PLXDC2: variants seen among roughly 807,000 people sequenced by gnomAD.
The protein encoded by PLXDC2 is plexin domain-containing protein 2.
Under a neutral mutation model 68.9 loss-of-function variants are expected in PLXDC2, and 40 were observed. The observed-to-expected ratio is 0.58, with a 90% CI of 0.45 to 0.76. The LOEUF is 0.76. Among genes scored for constraint, PLXDC2 ranks in the 30% least tolerant of loss-of-function variants. PLXDC2 has a pLI of 0.00. For synonymous variants in PLXDC2, 243 were observed against 234.2 expected, an observed-to-expected ratio of 1.04 and a Z score of -0.34; for missense variants, 644 against 661.9, an observed-to-expected ratio of 0.97 and a Z score of 0.30.
At position 20,050,192 on chromosome 10, in the gene PLXDC2, C is replaced by G. The variant is rs547047989; in HGVS notation, c.471+3177C>G. 1.3e-5 allele frequency among the ~76,000 whole-genome samples: 2 copies of G among 152,172 alleles called. 1 individual carries two copies. Among genetic ancestry groups the G allele is most frequent in the South Asian group, 4.2e-4 (2 of 4,818 alleles). On this transcript the variant is annotated intron_variant, in intron 3 of 13. Coordinates refer to ENST00000377252, the MANE Select transcript of PLXDC2 (RefSeq NM_032812.9). ...ATTGAAGCTGGATCCCTTCCTTACA[C>G]CATATACAAAAAATCAATTCGAGAT...
intron 1 of PLXDC2, among the ~76,000 whole-genome samples, chr10:19,972,207 G>T (rs1834366711): frequency 6.6e-6 from 1 of 152,176 alleles, no homozygotes; most frequent in Non-Finnish European, 1.5e-5. Flanking sequence ...CTGCTTATCA[G>T]TGTTGGACTG....
intron 4 of PLXDC2, among the ~76,000 whole-genome samples, chr10:20,072,444 GGAAA>G (rs1216764462): frequency 2.2e-5 from 2 of 89,594 alleles, no homozygotes; most frequent in African/African-American, 1.1e-4. Flanking sequence ...GAAGAAAGAA[GGAAA>G]GAAAGAAAAA....
intron 2 of PLXDC2, among the ~76,000 whole-genome samples, chr10:20,032,728 G>T (rs972901698): frequency 6.6e-6 from 1 of 151,854 alleles, no homozygotes; most frequent in Non-Finnish European, 1.5e-5. Flanking sequence ...TTTATGTAGT[G>T]CTAGTGAAGC....
intron 4 of PLXDC2, among the ~76,000 whole-genome samples, chr10:20,082,927 A>C (rs1836595963): frequency 6.6e-6 from 1 of 151,354 alleles, no homozygotes; most frequent in Non-Finnish European, 1.5e-5. Flanking sequence ...GATAAATGTT[A>C]CTTACATATA....
At chr10:20,190,843 T>C (rs895360498) in intron 9 of PLXDC2, among the ~76,000 whole-genome samples, 16 of 151,974 alleles carry the variant, frequency 1.1e-4, no homozygotes, top group East Asian at 5.8e-4. Context: ...GTAATCAGGG[T>C]AGTTTTTGAT....
chr10:19,942,399 C>A (rs1833834003), intron 1 of PLXDC2, among the ~76,000 whole-genome samples: 2 of 152,142 alleles, frequency 1.3e-5, no homozygotes, highest in African/African-American at 4.8e-5. Flanking sequence ...TAATTTCATA[C>A]ATTTCTCTTA....
intron 9 of PLXDC2, among the ~76,000 whole-genome samples, chr10:20,209,162 A>T (rs1329709837): frequency 1.3e-5 from 2 of 152,162 alleles, no homozygotes; most frequent in Non-Finnish European, 2.9e-5. Flanking sequence ...ATCAAAATTT[A>T]TTAGGTGGGA....
intron 9 of PLXDC2, among the ~76,000 whole-genome samples, chr10:20,201,820 A>G (rs974397821): frequency 1.3e-5 from 2 of 152,140 alleles, no homozygotes; most frequent in African/African-American, 4.8e-5. Context: ...TAGACTATCA[A>G]CTTGGAAAAG....
intron 1 of PLXDC2, among the ~76,000 whole-genome samples, chr10:19,866,475 T>C (rs531009522): frequency 6.6e-6 from 1 of 152,182 alleles, no homozygotes; most frequent in Non-Finnish European, 1.5e-5. Flanking sequence ...AAAGGAACCT[T>C]GTGATTACAC....
At chr10:20,237,112 G>A (rs982652543) in intron 12 of PLXDC2, among the ~76,000 whole-genome samples, 5 of 151,966 alleles carry the variant, frequency 3.3e-5, no homozygotes, top group Non-Finnish European at 7.4e-5. Flanking sequence ...ACTGTAAAAG[G>A]AAAGCTGCCC....
intron 12 of PLXDC2, among the ~76,000 whole-genome samples, chr10:20,224,642 T>C (rs562533037): frequency 6.6e-6 from 1 of 152,320 alleles, no homozygotes; most frequent in African/African-American, 2.4e-5. Context: ...CAGATTCAAC[T>C]CAGTCTAGCA....
intron 12 of PLXDC2, among the ~76,000 whole-genome samples, chr10:20,224,764 C>T (rs1051263225): frequency 6.6e-6 from 1 of 152,066 alleles, no homozygotes; most frequent in African/African-American, 2.4e-5. Flanking sequence ...ATCAAAATAC[C>T]AAAAACTGCA....
intron 4 of PLXDC2, among the ~76,000 whole-genome samples, chr10:20,136,175 CCTCATA>C (rs1174251416): frequency 6.6e-6 from 1 of 152,188 alleles, no homozygotes; most frequent in Non-Finnish European, 1.5e-5. Context: ...AAGCCGATAT[CCTCATA>C]GTGAACTATG....
chr10:20,151,329 A>G (rs910789765), intron 6 of PLXDC2, among the ~76,000 whole-genome samples: 5 of 152,320 alleles, frequency 3.3e-5, no homozygotes, highest in African/African-American at 1.2e-4. Context: ...ATAGCATTTA[A>G]TTCCTCAATA....
At chr10:20,174,649 G>T (rs1460399916) in intron 7 of PLXDC2, among the ~76,000 whole-genome samples, 2 of 152,050 alleles carry the variant, frequency 1.3e-5, no homozygotes, top group Non-Finnish European at 2.9e-5. Flanking sequence ...GTTGTGGGGT[G>T]GGGGAAGCGA....
chr10:20,001,325 G>T (rs911323856), intron 1 of PLXDC2, among the ~76,000 whole-genome samples: 1 of 152,190 alleles, frequency 6.6e-6, no homozygotes, highest in Admixed American at 6.5e-5. Flanking sequence ...TGTCCAGCAT[G>T]AAATAAATAT....
chr10:20,080,325 T>C (rs1836529030), intron 4 of PLXDC2, among the ~76,000 whole-genome samples: 1 of 151,740 alleles, frequency 6.6e-6, no homozygotes, highest in Non-Finnish European at 1.5e-5. Flanking sequence ...CAAGGAGTAT[T>C]GACTCACATG....
chr10:20,125,088 T>A (rs1833754082), intron 4 of PLXDC2, among the ~76,000 whole-genome samples: 1 of 152,102 alleles, frequency 6.6e-6, no homozygotes, highest in Non-Finnish European at 1.5e-5. Flanking sequence ...TCCAAAACAT[T>A]TAACAGCTAC....
chr10:20,119,358 A>G (rs1298298039), intron 4 of PLXDC2, among the ~76,000 whole-genome samples: 2 of 151,780 alleles, frequency 1.3e-5, no homozygotes, highest in Non-Finnish European at 2.9e-5. Flanking sequence ...TAGGTAAAGG[A>G]AAAAGGGGGT....
Sources: gnomAD v4.1 joint callset for allele counts (sites outside exome capture counted in the v4.1 genomes callset) on GRCh38, gnomAD v4.1.1 for gene constraint, MANE v1.5 for transcripts, NCBI Gene and HGNC (gene_info 2026-07-23, HGNC 2026-07-21) for gene names.